TAFA4: variants seen among roughly 807,000 people sequenced by gnomAD.
The protein encoded by TAFA4 is chemokine-like protein TAFA-4.
In TAFA4, 20 loss-of-function variants were observed where a neutral mutation model predicts 21.1. The observed-to-expected ratio is 0.95, with a 90% CI of 0.67 to 1.38. TAFA4 has a LOEUF of 1.38. Ranked by LOEUF, TAFA4 falls within the 40% of genes most tolerant of loss-of-function variation. The pLI, the probability that TAFA4 is intolerant of heterozygous loss-of-function variation, is 0.00. For missense variants in TAFA4, 211 were observed against 180.9 expected, an observed-to-expected ratio of 1.17 and a Z score of -0.95; for synonymous variants, 71 against 67.4, an observed-to-expected ratio of 1.05 and a Z score of -0.26.
chr3:68,870,717 C>A (rs2089472026), intron 3 of TAFA4, among the ~76,000 whole-genome samples: 1 of 152,046 alleles, frequency 6.6e-6, no homozygotes, highest in South Asian at 2.1e-4. Context: ...GGGTATTTGT[C>A]CTAATACTCT....
intron 4 of TAFA4, among the ~76,000 whole-genome samples, chr3:68,739,481 T>G (rs1437244469): frequency 6.6e-6 from 1 of 152,194 alleles, no homozygotes; most frequent in African/African-American, 2.4e-5. Flanking sequence ...GAAAACAGTA[T>G]GGAGATTTCT....
intron 3 of TAFA4, among the ~76,000 whole-genome samples, chr3:68,848,081 A>C (rs1266931442): frequency 6.6e-6 from 1 of 152,364 alleles, no homozygotes; most frequent in African/African-American, 2.4e-5. Context: ...ATTAAAAGGT[A>C]GATGCTATTA....
Position 68,841,094 on chromosome 3 carries a change from C to T in TAFA4, c.130+39636G>A, listed in dbSNP as rs1451784971. The stretch of plus-strand genomic sequence containing the variant: ...ATCCCAGCACTTTGGGAGGCCGAGG[C>T]GGGCGGATCACGAGGTCAGGAGATC... On this transcript the variant is annotated intron_variant, in intron 3 of 5. Transcript: ENST00000295569. 4.5e-5 allele frequency among the ~76,000 whole-genome samples: 6 copies of T among 134,068 alleles called. 1 individual carries two copies. Among genetic ancestry groups the T allele is most frequent in the African/African-American group, 1.3e-4 (5 of 37,784 alleles). The allele number at this position is 134,068 out of a possible 152,430, so 88.0% of individuals were successfully genotyped here. A position where few individuals can be genotyped will look rare whatever the true frequency, so the allele number is the denominator to read the frequency against.
intron 3 of TAFA4, among the ~76,000 whole-genome samples, chr3:68,763,151 C>G (rs1397946880): frequency 2.0e-5 from 3 of 152,146 alleles, no homozygotes; most frequent in African/African-American, 7.2e-5. Flanking sequence ...AGAAAGTCAA[C>G]TGAAATATTC....
At chr3:68,892,992 T>C (rs528327468) in intron 1 of TAFA4, among the ~76,000 whole-genome samples, 52 of 152,324 alleles carry the variant, frequency 3.4e-4, no homozygotes, top group African/African-American at 1.3e-3. Context: ...ATTGCCCAGG[T>C]CTGGGGCTGA....
intron 5 of TAFA4, among the ~76,000 whole-genome samples, chr3:68,735,304 C>T (rs1702218064): frequency 6.6e-6 from 1 of 152,176 alleles, no homozygotes; most frequent in South Asian, 2.1e-4. Context: ...GCATCAGTTT[C>T]CAATGGGGAT....
intron 1 of TAFA4, among the ~76,000 whole-genome samples, chr3:68,889,091 T>C (rs1357823049): frequency 1.3e-5 from 2 of 152,232 alleles, no homozygotes; most frequent in Non-Finnish European, 2.9e-5. Context: ...CATGTGTTTT[T>C]AAAGAGTCTC....
At chr3:68,771,500 C>T (rs781054118) in intron 3 of TAFA4, among the ~76,000 whole-genome samples, 96 of 152,204 alleles carry the variant, frequency 6.3e-4, no homozygotes, top group Non-Finnish European at 1.3e-3. Flanking sequence ...CACCCTGTCG[C>T]ACTTCCTGCG....
At chr3:68,778,851 G>A (rs1480790831) in intron 3 of TAFA4, among the ~76,000 whole-genome samples, 1 of 152,186 alleles carries the variant, frequency 6.6e-6, no homozygotes, top group African/African-American at 2.4e-5. Context: ...AGTGGGTGTT[G>A]CTGAAAAGAT....
chr3:68,738,857 T>C (rs1488822469), intron 5 of TAFA4, among the ~76,000 whole-genome samples: 1 of 152,210 alleles, frequency 6.6e-6, no homozygotes, highest in African/African-American at 2.4e-5. Flanking sequence ...CTGCCTAAAA[T>C]AATGAATTCT....
At chr3:68,836,330 C>T (rs924915228) in intron 3 of TAFA4, among the ~76,000 whole-genome samples, 8 of 152,206 alleles carry the variant, frequency 5.3e-5, no homozygotes, top group Non-Finnish European at 1.2e-4. Flanking sequence ...AGAGTGGTGG[C>T]TCAAAATTAA....
chr3:68,804,085 G>C (rs546302724), intron 3 of TAFA4, among the ~76,000 whole-genome samples: 20 of 152,086 alleles, frequency 1.3e-4, no homozygotes, highest in Admixed American at 1.2e-3. Context: ...ATCATGCCCA[G>C]TCTATTTTTC....
intron 3 of TAFA4, among the ~76,000 whole-genome samples, chr3:68,873,683 A>G (rs1379348500): frequency 6.6e-6 from 1 of 152,180 alleles, no homozygotes; most frequent in East Asian, 1.9e-4. Context: ...CTCTAGCTCA[A>G]ATCCAACCAG....
At chr3:68,830,979 T>A (rs1352949590) in intron 3 of TAFA4, among the ~76,000 whole-genome samples, 1 of 152,188 alleles carries the variant, frequency 6.6e-6, no homozygotes. Context: ...TGTTGGTTTA[T>A]AGTCTGTTTT....
chr3:68,807,812 AAC>A (rs1315660107), intron 3 of TAFA4, among the ~76,000 whole-genome samples: 6 of 152,026 alleles, frequency 3.9e-5, no homozygotes, highest in Non-Finnish European at 7.4e-5. Flanking sequence ...TCACCAACCT[AAC>A]ACACCTTTGC....
intron 3 of TAFA4, among the ~76,000 whole-genome samples, chr3:68,826,624 A>T (rs1704246547): frequency 6.6e-6 from 1 of 152,180 alleles, no homozygotes; most frequent in Non-Finnish European, 1.5e-5. Flanking sequence ...CAAAATAAGT[A>T]AAATAATATA....
rs543015160 is a variant in TAFA4 at position 68,749,096 on chromosome 3, C to G, written c.286+3767G>C. Among the ~76,000 whole-genome samples the G allele has an allele frequency of 5.9e-5, 9 of 152,286 alleles. No individual in the cohort carries two copies. The South Asian group carries it at 1.9e-3, about 32-fold the overall frequency. On this transcript the variant is annotated intron_variant, in intron 4 of 5. Transcript: ENST00000295569. ...CCACAGTCTCACGATCAAATAATTC[C>G]CTGTCCCGTCTCCCAAATCCCCAAT...
At chr3:68,824,063 T>C (rs891127779) in intron 3 of TAFA4, among the ~76,000 whole-genome samples, 3 of 152,156 alleles carry the variant, frequency 2.0e-5, no homozygotes, top group African/African-American at 7.2e-5. Flanking sequence ...TATGCCACAG[T>C]GATCATACCC....
rs1447385024 is a variant in TAFA4, at chr3:68,768,539, G to T, written c.131-15521C>A. Among the ~76,000 whole-genome samples, 4 of 152,276 alleles carry T rather than the reference G, an allele frequency of 2.6e-5. No individual in the cohort carries two copies. In the East Asian group the frequency reaches 5.8e-4, roughly 22 times the overall value. On this transcript the variant is annotated intron_variant, in intron 3 of 5. Transcript: ENST00000295569. ...AGCCATTATGGAAACCAGTATGGAG[G>T]TTCCTCAAAAAATTAAAAATAGAAG...
Sources: allele counts gnomAD v4.1 joint callset (sites outside exome capture counted in the v4.1 genomes callset), GRCh38; gene constraint gnomAD v4.1.1; transcripts MANE v1.5; gene names NCBI Gene and HGNC (gene_info 2026-07-23, HGNC 2026-07-21).